RFC1: variants seen among roughly 807,000 people sequenced by gnomAD.
RFC1 encodes the protein A1 140 kDa subunit.
Under a neutral mutation model 137.4 loss-of-function variants are expected in RFC1, and 37 were observed. The observed-to-expected ratio is 0.27, with a 90% CI of 0.21 to 0.35. RFC1 has a LOEUF of 0.35. Among genes scored for constraint, RFC1 ranks in the 10% least tolerant of loss-of-function variants. RFC1 has a pLI of 1.00. For missense variants in RFC1, 1,205 were observed against 1,358.5 expected (o/e 0.89, Z 1.78); for synonymous variants, 429 against 455.7 (o/e 0.94, Z 0.75).
chr4:39,296,669 T>C (rs1162181194), intron 21 of RFC1, among the ~76,000 whole-genome samples: 1 of 151,494 alleles, frequency 6.6e-6, no homozygotes, highest in African/African-American at 2.4e-5. Flanking sequence ...ACATTTGGGT[T>C]GGTTCCAAGT....
chr4:39,308,838 C>A lies in RFC1; in HGVS notation c.1683G>T (p.Glu561Asp). Residue 561 changes from glutamate to aspartate, a missense_variant, in exon 13 of 25, where the codon GAG becomes GAT. Physicochemically the swap from Glu to Asp is conservative, Grantham distance 45. Coordinates refer to ENST00000349703, the MANE Select transcript of RFC1 (RefSeq NM_002913.5). ...KSLDFKEQVA[E>D]ETSGDSKARN... Reference sequence around the variant, plus strand: ...TAGCCTTGCTGTCACCACTTGTCTCCTCAGCCACCTGCTCCTTGAAATCCA... The same window carrying A: ...TAGCCTTGCTGTCACCACTTGTCTCATCAGCCACCTGCTCCTTGAAATCCA... The A allele has an allele frequency of 1.9e-6, 3 of 1,614,164 alleles. No individual in the cohort carries two copies. Among genetic ancestry groups the A allele is most frequent in the Non-Finnish European group, 2.5e-6 (3 of 1,180,018 alleles).
chr4:39,334,927 G>A (rs962047042), intron 4 of RFC1, among the ~76,000 whole-genome samples: 3 of 152,052 alleles, frequency 2.0e-5, no homozygotes, highest in Non-Finnish European at 4.4e-5. Flanking sequence ...CATTTATTTA[G>A]AAGAATAACA....
intron 19 of RFC1, among the ~76,000 whole-genome samples, chr4:39,302,010 T>C (rs1738384740): frequency 6.6e-6 from 1 of 152,162 alleles, no homozygotes; most frequent in Non-Finnish European, 1.5e-5. Flanking sequence ...CATAAAGAAC[T>C]CTGGAAAAGC....
chr4:39,291,887 A>G lies in RFC1; in HGVS notation c.2955-35T>C, dbSNP rs145729759. The G allele has an allele frequency of 1.2e-4, 187 of 1,496,888 alleles. No individual in the cohort carries two copies. In the African/African-American group the frequency reaches 2.4e-3, roughly 20 times the overall value. 92.7% of individuals were successfully genotyped at this position (1,496,888 alleles called of 1,614,324 possible). A position where few individuals can be genotyped will look rare whatever the true frequency, so the allele number is the denominator to read the frequency against. ...CAACAAAAGAGACATAGTCAACAGC[A>G]AAGTATCAACTCAAGTCATACTGTG... On this transcript the variant is annotated intron_variant, in intron 22 of 24. Transcript: ENST00000349703.
chr4:39,362,182 G>A (rs1351752222), intron 1 of RFC1, among the ~76,000 whole-genome samples: 2 of 152,102 alleles, frequency 1.3e-5, no homozygotes, highest in African/African-American at 4.8e-5. Context: ...ACAAATGAAG[G>A]CATCCCACAT....
chr4:39,290,846 C>T (rs2109573356), intron 23 of RFC1, among the ~76,000 whole-genome samples: 1 of 150,620 alleles, frequency 6.6e-6, no homozygotes, highest in African/African-American at 2.4e-5. Context: ...GAGCTCATCA[C>T]AAGATATAAG....
At position 39,300,515 on chromosome 4, in the gene RFC1, T is replaced by C. The variant is rs530782433; in HGVS notation, c.2536-101A>G. 4.4e-5 allele frequency: 38 copies of C among 865,152 alleles called. 1 individual carries two copies. The South Asian group carries it at 5.4e-4, about 12-fold the overall frequency. The allele number at this position is 865,152 out of a possible 1,614,324, so 53.6% of individuals were successfully genotyped here. A position where few individuals can be genotyped will look rare whatever the true frequency, so the allele number is the denominator to read the frequency against. On this transcript the variant is annotated intron_variant, in intron 19 of 24. Transcript: ENST00000349703. ...TATGGAACAAGAGGAATTCCATTCATTGCTGGTGGGAATGCAAAACTGTAC... is the reference window on the plus strand; with the variant it reads ...TATGGAACAAGAGGAATTCCATTCACTGCTGGTGGGAATGCAAAACTGTAC...
At chr4:39,334,442 G>A (rs1423286284) in intron 4 of RFC1, among the ~76,000 whole-genome samples, 1 of 152,148 alleles carries the variant, frequency 6.6e-6, no homozygotes, top group African/African-American at 2.4e-5. Context: ...AAGACAACTA[G>A]CTGCTTCCAA....
At chr4:39,307,062 T>C (rs757068757) in intron 13 of RFC1, among the ~76,000 whole-genome samples, 36 of 152,252 alleles carry the variant, frequency 2.4e-4, no homozygotes, top group Non-Finnish European at 4.7e-4. Flanking sequence ...GTGGGTACTT[T>C]AGAAGTGACT....
chr4:39,320,764 G>C lies in RFC1; in HGVS notation c.809-95C>G. The C allele has an allele frequency of 4.0e-6, 5 of 1,238,338 alleles. No homozygotes were observed. In the South Asian group the frequency reaches 7.0e-5, roughly 17 times the overall value. The allele number at this position is 1,238,338 out of a possible 1,614,324, so 76.7% of individuals were successfully genotyped here. A position where few individuals can be genotyped will look rare whatever the true frequency, so the allele number is the denominator to read the frequency against. Reference sequence around the variant, plus strand: ...TTTTCAACTGAGTAATCTTAGCACAGAATATACCCTGAAGGCCCAAAGTCC... The same window carrying C: ...TTTTCAACTGAGTAATCTTAGCACACAATATACCCTGAAGGCCCAAAGTCC... On this transcript the variant is annotated intron_variant, in intron 8 of 24. Coordinates refer to ENST00000349703, the MANE Select transcript of RFC1 (RefSeq NM_002913.5).
rs754336277 is a variant in RFC1, at chr4:39,316,973, T to A, written c.1145A>T (p.Tyr382Phe). Residue 382 changes from tyrosine to phenylalanine, a missense_variant, in exon 10 of 25, where the codon TAT becomes TTT. Transcript: ENST00000349703. ...SEKKRTNYQAYRSYLNREGPK... is the reference protein window; with the variant it reads ...SEKKRTNYQAFRSYLNREGPK... ...ACCTTCTCGATTTAAGTAGCTTCGATAAGCTTGATAATTAGTGCGTTTCTT... is the reference window on the plus strand; with the variant it reads ...ACCTTCTCGATTTAAGTAGCTTCGAAAAGCTTGATAATTAGTGCGTTTCTT... 1.4e-5 allele frequency: 23 copies of A among 1,614,026 alleles called. No homozygotes were observed. Among genetic ancestry groups the A allele is most frequent in the Non-Finnish European group, 1.9e-5 (23 of 1,179,980 alleles).
rs189484676 is a variant in RFC1, at chr4:39,356,978, T to G, written c.4-5502A>C. Among the ~76,000 whole-genome samples, 782 of 152,334 alleles carry G rather than the reference T, an allele frequency of 5.1e-3. 6 individuals carry two copies. The highest frequency in any genetic ancestry group is 4.4e-3 in the Non-Finnish European group (299 of 68,032). On this transcript the variant is annotated intron_variant, in intron 1 of 24. Transcript: ENST00000349703. Reference sequence around the variant, plus strand: ...GCATCAACTTTTTTCATTCAATCATTCATTTATCCATTCAAGAAATATTTA... The same window carrying G: ...GCATCAACTTTTTTCATTCAATCATGCATTTATCCATTCAAGAAATATTTA...
At chr4:39,350,164 G>C (rs964620579) in intron 2 of RFC1, among the ~76,000 whole-genome samples, 1 of 141,362 alleles carries the variant, frequency 7.1e-6, no homozygotes, top group Non-Finnish European at 1.5e-5. Context: ...GGTGATAAAA[G>C]AAGAATCAAT....
intron 14 of RFC1, among the ~76,000 whole-genome samples, chr4:39,305,845 A>T (rs1432647877): frequency 6.6e-6 from 1 of 152,202 alleles, no homozygotes; most frequent in Non-Finnish European, 1.5e-5. Flanking sequence ...AGGGACTAGG[A>T]AAAAAATGTT....
intron 22 of RFC1, among the ~76,000 whole-genome samples, chr4:39,294,673 A>T (rs76582241): frequency 3.8e-4 from 52 of 137,294 alleles, no homozygotes; most frequent in African/African-American, 1.2e-3. Flanking sequence ...CTGTCTCAAT[A>T]AAAAAAAAAA....
chr4:39,302,104 A>G (rs1738388949), intron 19 of RFC1, among the ~76,000 whole-genome samples, 174 bp downstream of exon 19: 1 of 152,170 alleles, frequency 6.6e-6, no homozygotes, highest in Admixed American at 6.5e-5. Context: ...AATCTTTGAG[A>G]AAAAAATCAT....
rs1462994068 is a variant in RFC1 at position 39,366,088 on chromosome 4, C to T, written c.3+151G>A. 6 of 811,102 alleles carry T rather than the reference C, an allele frequency of 7.4e-6. No individual in the cohort carries two copies. In the South Asian group the frequency reaches 8.5e-5, roughly 11 times the overall value. 50.2% of individuals were successfully genotyped at this position (811,102 alleles called of 1,614,324 possible). The stretch of plus-strand genomic sequence containing the variant: ...TGCAATGAAAGTTTTGCGTCCAGTG[C>T]CCGGTGTGCGGCCCCTTCTCTGCCT... On this transcript the variant is annotated intron_variant, in intron 1 of 24. Transcript: ENST00000349703.
intron 4 of RFC1, among the ~76,000 whole-genome samples, chr4:39,338,590 A>T (rs1394159465): frequency 6.6e-6 from 1 of 152,214 alleles, no homozygotes; most frequent in Non-Finnish European, 1.5e-5. Context: ...TTAACAAGGT[A>T]GTTTACCTTT....
chr4:39,320,713 A>G (rs1162828732), intron 8 of RFC1, 44 bp from the exon 9 acceptor site: 2 of 1,507,982 alleles, frequency 1.3e-6, no homozygotes, highest in East Asian at 4.6e-5. Flanking sequence ...TTGGAAAATG[A>G]TAATCTATAT....
Sources: gnomAD v4.1 joint callset for allele counts (sites outside exome capture counted in the v4.1 genomes callset) on GRCh38, gnomAD v4.1.1 for gene constraint, MANE v1.5 for transcripts, NCBI Gene and HGNC (gene_info 2026-07-23, HGNC 2026-07-21) for gene names.